Variants in ANKRD30A observed in about 807,000 individuals in gnomAD.
ANKRD30A encodes ankyrin repeat domain 30A, also known as ankyrin repeat domain-containing protein 30A.
Under a neutral mutation model 166.3 loss-of-function variants are expected in ANKRD30A, and 170 were observed. That is an observed-to-expected ratio of 1.02 (90% confidence interval 0.90 to 1.16). The LOEUF is 1.16. ANKRD30A is among the 50% of genes most tolerant of loss of function. The pLI is 0.00. For missense variants in ANKRD30A, 1,630 were observed against 1,518.0 expected (o/e 1.07, Z -1.23); for synonymous variants, 564 against 508.9 (o/e 1.11, Z -1.46).
chr10:37,196,899 C>G (rs1217084919), intron 27 of ANKRD30A, among the ~76,000 whole-genome samples: 1 of 152,122 alleles, frequency 6.6e-6, no homozygotes, highest in Non-Finnish European at 1.5e-5. Flanking sequence ...TAACCATGTA[C>G]CTTTCCGAAG....
downstream of ANKRD30A, chr10:37,232,689 TATATAA>T (rs1564604763): frequency 6.1e-4 from 3 of 4,898 alleles, no homozygotes; most frequent in African/African-American, 8.9e-4. Flanking sequence ...TATATATATA[TATATAA>T]ATAGAGAGAG....
chr10:37,132,711 A>G (rs1454745734), intron 4 of ANKRD30A, among the ~76,000 whole-genome samples: 4 of 152,182 alleles, frequency 2.6e-5, no homozygotes, highest in African/African-American at 9.7e-5. Flanking sequence ...AAAAAATGCA[A>G]TATTTGCTGG....
Position 37,199,799 on chromosome 10 carries a change from T to A in ANKRD30A, c.2778+11T>A, listed in dbSNP as rs765074568. ...TCTTGGGATTCTGAGGTACTATGTG[T>A]TATTGATTTTTTTAAATATTAGTAT... On this transcript the variant is annotated intron_variant, in intron 30 of 35. Transcript: ENST00000361713. 2 of 1,511,196 alleles carry A rather than the reference T, an allele frequency of 1.3e-6. No homozygotes were observed. The highest frequency in any genetic ancestry group is 2.8e-5 in the African/African-American group (2 of 71,410). 93.6% of individuals were successfully genotyped at this position (1,511,196 alleles called of 1,614,324 possible).
At chr10:37,203,613 A>G (rs973561277) in intron 31 of ANKRD30A, among the ~76,000 whole-genome samples, 2 of 152,204 alleles carry the variant, frequency 1.3e-5, no homozygotes, top group Non-Finnish European at 2.9e-5. Flanking sequence ...GCTATTCAAC[A>G]TAGTGTTGGA....
chr10:37,140,556 A>G (rs1489441379), intron 6 of ANKRD30A, among the ~76,000 whole-genome samples: 1 of 152,206 alleles, frequency 6.6e-6, no homozygotes, highest in Non-Finnish European at 1.5e-5. Flanking sequence ...AGTTGAAACC[A>G]AATAAGATAT....
chr10:37,161,072 C>T lies in ANKRD30A; in HGVS notation c.1901-1577C>T, dbSNP rs537773449. ...ATCGAGACCATCCTGACTAACAAGG[C>T]GAAACCCTGTCTCTACTAAAAATAC... On this transcript the variant is annotated intron_variant, in intron 15 of 35. Coordinates refer to ENST00000361713, the MANE Select transcript of ANKRD30A (RefSeq NM_052997.3). 2.6e-4 allele frequency among the ~76,000 whole-genome samples: 39 copies of T among 152,224 alleles called. 1 individual carries two copies. The South Asian group carries it at 4.8e-3, about 19-fold the overall frequency.
At chr10:37,142,411 C>T in intron 7 of ANKRD30A, 121 bp downstream of exon 7, 1 of 877,794 alleles carries the variant, frequency 1.1e-6, no homozygotes, top group Non-Finnish European at 1.7e-6. Context: ...GCTTAGGCAA[C>T]ACTTTTTAAT....
At chr10:37,204,592 G>A (rs1031901284) in intron 31 of ANKRD30A, among the ~76,000 whole-genome samples, 2 of 152,050 alleles carry the variant, frequency 1.3e-5, no homozygotes, top group African/African-American at 2.4e-5. Context: ...CAAAAGCAAT[G>A]GCAACAAAAG....
chr10:37,134,351 TA>T (rs1009188082), intron 5 of ANKRD30A, among the ~76,000 whole-genome samples: 1 of 152,092 alleles, frequency 6.6e-6, no homozygotes, highest in Non-Finnish European at 1.5e-5. Context: ...TTGAATTTTT[TA>T]AAAAAAATCT....
chr10:37,156,781 C>A (rs1199952200), intron 13 of ANKRD30A, among the ~76,000 whole-genome samples: 1 of 152,128 alleles, frequency 6.6e-6, no homozygotes, highest in Admixed American at 6.5e-5. Flanking sequence ...TCAGAAGTAA[C>A]TTTTAAAGAT....
chr10:37,220,006 TA>T (rs975454260), intron 34 of ANKRD30A, 109 bp downstream of exon 34: 11 of 162,412 alleles, frequency 6.8e-5, no homozygotes, highest in African/African-American at 2.6e-4. Flanking sequence ...TATATATATA[TA>T]TATATATATA....
intron 29 of ANKRD30A, among the ~76,000 whole-genome samples, chr10:37,198,701 C>A (rs1418381396): frequency 1.3e-5 from 2 of 152,136 alleles, no homozygotes; most frequent in East Asian, 3.9e-4. Flanking sequence ...CTTCGACACT[C>A]TGCATGAAAT....
rs2132734097 is a variant in ANKRD30A, at chr10:37,216,346, A to G, written c.3035A>G (p.Gln1012Arg). 6.2e-7 allele frequency: 1 copy of G among 1,607,914 alleles called. No homozygotes were observed. The highest frequency in any genetic ancestry group is 8.5e-7 in the Non-Finnish European group (1 of 1,176,218). ...TCAGAAGCAAAAGAAATAAAATCAC[A>G]GTTAGAGAACCAAAAAGTTAAATGG... The part of the protein sequence containing the change: ...KLSEAKEIKS[Q>R]LENQKVKWEQ... Residue 1012 changes from glutamine to arginine, a missense_variant, in exon 32 of 36, where the codon CAG (glutamine) becomes CGG (arginine). This residue lies in a region of ANKRD30A where 712 missense variants were observed against 629.3 expected (regional missense o/e 1.13). Transcript: ENST00000361713.
At chr10:37,183,514 A>G (rs1325389027) in intron 24 of ANKRD30A, among the ~76,000 whole-genome samples, 1 of 146,852 alleles carries the variant, frequency 6.8e-6, no homozygotes, top group Non-Finnish European at 1.5e-5. Flanking sequence ...TCTTTTTTAA[A>G]AAGATATAAA....
chr10:37,222,789 A>G (rs1842957281), intron 34 of ANKRD30A, among the ~76,000 whole-genome samples: 1 of 151,228 alleles, frequency 6.6e-6, no homozygotes, highest in Admixed American at 6.6e-5. Flanking sequence ...ATGCTTCAGG[A>G]TGTGTTTTCT....
At chr10:37,136,820 T>C (rs1355355235) in intron 6 of ANKRD30A, 149 bp downstream of exon 6, 4 of 224,150 alleles carry the variant, frequency 1.8e-5, no homozygotes, top group African/African-American at 6.4e-5. Context: ...TGTATGTGTG[T>C]GTGTGTGTGT....
intron 9 of ANKRD30A, among the ~76,000 whole-genome samples, chr10:37,148,237 GGAA>G (rs1166573580): frequency 1.3e-5 from 2 of 151,990 alleles, no homozygotes; most frequent in African/African-American, 4.8e-5. Flanking sequence ...GGAAAAATGT[GGAA>G]GAAGAGCAAT....
chr10:37,200,924 C>T (rs1841572017), intron 30 of ANKRD30A, among the ~76,000 whole-genome samples: 1 of 151,866 alleles, frequency 6.6e-6, no homozygotes, highest in African/African-American at 2.4e-5. Context: ...TTGAGGACGA[C>T]AACATGTTAG....
chr10:37,145,098 T>A lies in ANKRD30A; in HGVS notation c.1455+42T>A, dbSNP rs202023860. On this transcript the variant is annotated intron_variant, in intron 8 of 35. Coordinates refer to ENST00000361713, the MANE Select transcript of ANKRD30A (RefSeq NM_052997.3). ...ATGTTATTCTCTAAAAATATTAATA[T>A]TGAGTGATGTGAAAATATAAAGTCA... 90 of 1,411,076 alleles carry A rather than the reference T, an allele frequency of 6.4e-5. No homozygotes were observed. In the African/African-American group the frequency reaches 1.3e-3, roughly 20 times the overall value. The allele number at this position is 1,411,076 out of a possible 1,614,324, so 87.4% of individuals were successfully genotyped here. A position where few individuals can be genotyped will look rare whatever the true frequency, so the allele number is the denominator to read the frequency against.
Sources: gnomAD v4.1 joint callset for allele counts (sites outside exome capture counted in the v4.1 genomes callset) on GRCh38, gnomAD v4.1.1 for gene constraint, gnomAD v4.1.1 regional missense constraint, MANE v1.5 for transcripts, NCBI Gene and HGNC (gene_info 2026-07-23, HGNC 2026-07-21) for gene names.